Variants in TLL2 observed in about 807,000 individuals in gnomAD.
TLL2 encodes tolloid-like protein 2.
A neutral mutation model predicts 123.0 loss-of-function variants in TLL2; 106 were observed. The observed-to-expected ratio is 0.86, with a 90% CI of 0.74 to 1.01. TLL2 has a LOEUF of 1.01. Among genes scored for constraint, TLL2 ranks in the 50% least tolerant of loss-of-function variants. The pLI is 0.00. For missense variants in TLL2, 1,332 were observed against 1,336.7 expected, an observed-to-expected ratio of 1.00 and a Z score of 0.06; for synonymous variants, 494 against 516.8, an observed-to-expected ratio of 0.96 and a Z score of 0.60.
intron 10 of TLL2, among the ~76,000 whole-genome samples, chr10:96,398,868 CT>C (rs3033618): frequency 0.028 from 3,007 of 107,612 alleles, 32 homozygotes; most frequent in South Asian, 0.11. Flanking sequence ...TGAAAATATT[CT>C]TTTTTTTTTT....
At chr10:96,458,834 C>T (rs1589427558) in intron 2 of TLL2, among the ~76,000 whole-genome samples, 1 of 151,966 alleles carries the variant, frequency 6.6e-6, no homozygotes, top group Non-Finnish European at 1.5e-5. Flanking sequence ...GTGGCTCACA[C>T]CTATAATTCC....
At chr10:96,445,643 T>G (rs1374265397) in intron 3 of TLL2, among the ~76,000 whole-genome samples, 4 of 152,204 alleles carry the variant, frequency 2.6e-5, no homozygotes, top group Non-Finnish European at 5.9e-5. Context: ...CTCCCAGGTC[T>G]TCAGGGGCTT....
At chr10:96,505,888 C>T (rs1319583920) in intron 1 of TLL2, among the ~76,000 whole-genome samples, 6 of 152,168 alleles carry the variant, frequency 3.9e-5, no homozygotes, top group African/African-American at 1.2e-4. Context: ...TTTCTATTAA[C>T]GGCATGATAC....
intron 2 of TLL2, among the ~76,000 whole-genome samples, chr10:96,460,723 G>A (rs1847073499): frequency 6.6e-6 from 1 of 152,154 alleles, no homozygotes; most frequent in African/African-American, 2.4e-5. Flanking sequence ...TACAGCCTGT[G>A]GAACTATGAG....
chr10:96,460,543 C>T (rs961792662), intron 2 of TLL2, among the ~76,000 whole-genome samples: 1 of 152,094 alleles, frequency 6.6e-6, no homozygotes, highest in Non-Finnish European at 1.5e-5. Context: ...GGGCAGACTT[C>T]CCCCTTGCTG....
At chr10:96,427,786 T>C (rs1005744769) in intron 5 of TLL2, among the ~76,000 whole-genome samples, 6 of 152,092 alleles carry the variant, frequency 3.9e-5, no homozygotes, top group African/African-American at 1.4e-4. Context: ...TTTTTTGTTG[T>C]TGTTGTTTTG....
intron 2 of TLL2, among the ~76,000 whole-genome samples, chr10:96,474,846 A>G (rs1374482812): frequency 1.3e-5 from 2 of 152,082 alleles, no homozygotes; most frequent in Non-Finnish European, 2.9e-5. Context: ...GGGAGAATCC[A>G]CCTTTGTCTC....
chr10:96,375,887 T>C (rs1216269398), intron 18 of TLL2, among the ~76,000 whole-genome samples: 2 of 152,210 alleles, frequency 1.3e-5, no homozygotes, highest in Non-Finnish European at 2.9e-5. Context: ...ATTTAAAAAA[T>C]GTCCATCTGC....
rs560031094 is a variant in TLL2 at position 96,465,400 on chromosome 10, A to T, written c.286+14949T>A. 3.9e-5 allele frequency among the ~76,000 whole-genome samples: 6 copies of T among 152,270 alleles called. No individual in the cohort carries two copies. The South Asian group carries it at 1.2e-3, about 32-fold the overall frequency. ...TGCTAGCACATGTGCAGGGCCATAA[A>T]CCATCCCATGCAAAACACTGAGTGT... On this transcript the variant is annotated intron_variant, in intron 2 of 20. Transcript: ENST00000357947.
At chr10:96,501,257 C>T (rs1172764108) in intron 1 of TLL2, among the ~76,000 whole-genome samples, 1 of 152,218 alleles carries the variant, frequency 6.6e-6, no homozygotes, top group African/African-American at 2.4e-5. Flanking sequence ...CTCAAGGGCA[C>T]CCCAGTGCCT....
At chr10:96,388,244 ATACAAAAT>A (rs960889392) in intron 13 of TLL2, among the ~76,000 whole-genome samples, 22 of 152,228 alleles carry the variant, frequency 1.4e-4, no homozygotes, top group African/African-American at 5.3e-4. Flanking sequence ...TCTACTAAAA[ATACAAAAT>A]TAGCCGGGAG....
chr10:96,473,252 C>A (rs377184331), intron 2 of TLL2, among the ~76,000 whole-genome samples: 15 of 152,002 alleles, frequency 9.9e-5, no homozygotes, highest in Admixed American at 3.3e-4. Context: ...ATCAGGAGTT[C>A]GAGACCAGCC....
chr10:96,411,279 A>C (rs1395104116), intron 8 of TLL2, among the ~76,000 whole-genome samples: 2 of 71,468 alleles, frequency 2.8e-5, no homozygotes, highest in African/African-American at 8.2e-5. Context: ...AAAAAAAAAA[A>C]AAAAAAAAAA....
chr10:96,398,868 CTTTTTTT>C (rs3033618), intron 10 of TLL2, among the ~76,000 whole-genome samples: 1 of 107,746 alleles, frequency 9.3e-6, no homozygotes, highest in African/African-American at 3.8e-5. Flanking sequence ...TGAAAATATT[CTTTTTTT>C]TTTTTTTTTT....
intron 11 of TLL2, among the ~76,000 whole-genome samples, chr10:96,396,707 T>C (rs940467843): frequency 6.6e-6 from 1 of 151,566 alleles, no homozygotes; most frequent in African/African-American, 2.4e-5. Context: ...GACCTATTGG[T>C]TCCCTCTACT....
chr10:96,493,180 G>A (rs1010447729), intron 1 of TLL2, among the ~76,000 whole-genome samples: 4 of 152,194 alleles, frequency 2.6e-5, no homozygotes, highest in Non-Finnish European at 5.9e-5. Flanking sequence ...GTCAGGTGAG[G>A]ACTGTAGGCA....
At chr10:96,428,279 A>G (rs1195624698) in intron 5 of TLL2, among the ~76,000 whole-genome samples, 1 of 152,170 alleles carries the variant, frequency 6.6e-6, no homozygotes, top group Admixed American at 6.5e-5. Flanking sequence ...ATACATATTC[A>G]TCTATTCTTG....
At chr10:96,373,498 C>G (rs1169013277) in intron 19 of TLL2, 98 bp downstream of exon 19, 10 of 1,178,788 alleles carry the variant, frequency 8.5e-6, no homozygotes, top group Non-Finnish European at 1.2e-5. Context: ...CGCCCTCCCC[C>G]AGTCAGAATA....
intron 3 of TLL2, among the ~76,000 whole-genome samples, chr10:96,443,208 T>G (rs760752006): frequency 2.0e-5 from 3 of 152,242 alleles, no homozygotes; most frequent in Non-Finnish European, 4.4e-5. Flanking sequence ...GCCACTTCTC[T>G]CGTGAAGGAG....
Sources: allele counts gnomAD v4.1 joint callset (sites outside exome capture counted in the v4.1 genomes callset), GRCh38; gene constraint gnomAD v4.1.1; transcripts MANE v1.5; gene names NCBI Gene and HGNC (gene_info 2026-07-23, HGNC 2026-07-21).